C9orf57: variants seen among roughly 807,000 people sequenced by gnomAD.
The protein encoded by C9orf57 is chromosome 9 open reading frame 57.
In C9orf57, 12 loss-of-function variants were observed where a neutral mutation model predicts 12.9. The ratio of observed to expected loss-of-function variants is 0.93; its 90% CI spans 0.60 to 1.51. The LOEUF is 1.51. C9orf57 is among the 40% of genes most tolerant of loss of function. The pLI, the probability that C9orf57 is intolerant of heterozygous loss-of-function variation, is 0.00. For missense variants in C9orf57, 141 were observed against 162.8 expected (o/e 0.87, Z 0.73); for synonymous variants, 49 against 57.1 (o/e 0.86, Z 0.64).
chr9:72,054,382 C>A (rs1405094347), intron 4 of C9orf57, among the ~76,000 whole-genome samples: 1 of 152,190 alleles, frequency 6.6e-6, no homozygotes, highest in Non-Finnish European at 1.5e-5. Context: ...AAATATTTTT[C>A]TGCAGTAGAT....
In C9orf57 at chr9:72,056,241, G is replaced by A. The variant is rs372477284; in HGVS notation, c.158-45C>T. ...AAAATGAGAAAGTAGTGATAGATAC[G>A]AGAGAGAAAACGAGGAAGGAAGAGA... On this transcript the variant is annotated intron_variant, in intron 3 of 4. Transcript: ENST00000651200. The A allele has an allele frequency of 3.9e-5, 59 of 1,495,452 alleles. No homozygotes were observed. In the East Asian group the frequency reaches 6.2e-4, roughly 16 times the overall value. 92.6% of individuals were successfully genotyped at this position (1,495,452 alleles called of 1,614,324 possible). A position where few individuals can be genotyped will look rare whatever the true frequency, so the allele number is the denominator to read the frequency against.
At chr9:72,057,450 C>T (rs561182982) in intron 2 of C9orf57, among the ~76,000 whole-genome samples, 1 of 152,032 alleles carries the variant, frequency 6.6e-6, no homozygotes, top group East Asian at 1.9e-4. Flanking sequence ...TGGTCTCAAA[C>T]TCCTAACTCA....
chr9:72,059,030 A>G (rs916878918), intron 2 of C9orf57, among the ~76,000 whole-genome samples: 1 of 152,040 alleles, frequency 6.6e-6, no homozygotes, highest in African/African-American at 2.4e-5. Context: ...GGCATGCACC[A>G]CCACGCCCAG....
In C9orf57 at chr9:72,052,081, T is replaced by C; in HGVS notation, c.*215A>G. On this transcript the variant is annotated 3_prime_UTR_variant, in exon 5 of 5. Transcript: ENST00000651200. Reference sequence around the variant, plus strand: ...CAGAAGGAGGAGAGGAGAGAAATGGTGTTGAAAGGGCTATTTCTCAGATGA... The same window carrying C: ...CAGAAGGAGGAGAGGAGAGAAATGGCGTTGAAAGGGCTATTTCTCAGATGA... 2.0e-6 allele frequency: 1 copy of C among 494,272 alleles called. No individual in the cohort carries two copies. Among genetic ancestry groups the C allele is most frequent in the South Asian group, 3.1e-5 (1 of 32,032 alleles). The allele number at this position is 494,272 out of a possible 1,614,324, so 30.6% of individuals were successfully genotyped here.
chr9:72,054,714 C>T (rs563610398), intron 4 of C9orf57, among the ~76,000 whole-genome samples: 19 of 152,060 alleles, frequency 1.2e-4, no homozygotes, highest in African/African-American at 4.1e-4. Context: ...AAGGTATTTA[C>T]TCTTGATTGT....
Position 72,056,182 on chromosome 9 carries a change from T to C in C9orf57, c.172A>G (p.Ile58Val), listed in dbSNP as rs1400697603. The change falls in exon 4 of 5, where the codon ATT (isoleucine) becomes GTT (valine). Residue 58 changes from isoleucine to valine, a missense_variant. By Grantham distance (29) the Ile-to-Val change is conservative (BLOSUM62 3). Coordinates refer to ENST00000651200, the MANE Select transcript of C9orf57 (RefSeq NM_001128618.2). ...EVHIQDVGGLICRACNLSLPF... is the reference protein window; with the variant it reads ...EVHIQDVGGLVCRACNLSLPF... ...AGTGAAAGATTGCATGCTCTGCAAA[T>C]CAAACCTCCAACATCTCCAAGTACA... The C allele has an allele frequency of 6.5e-7, 1 of 1,549,472 alleles. No individual in the cohort carries two copies. Among genetic ancestry groups the C allele is most frequent in the African/African-American group, 1.4e-5 (1 of 72,820 alleles).
Position 72,052,264 on chromosome 9 carries a change from T to C in C9orf57, c.*32A>G. On this transcript the variant is annotated 3_prime_UTR_variant, in exon 5 of 5. Transcript: ENST00000651200. ...CAGGTCAGGCTTCGAGACTGATTGA[T>C]CTGCCAAGCATTTTAGATATGGGCC... 5 of 1,549,236 alleles carry C rather than the reference T, an allele frequency of 3.2e-6. No individual in the cohort carries two copies. Among genetic ancestry groups the C allele is most frequent in the Non-Finnish European group, 4.4e-6 (5 of 1,145,902 alleles).
At chr9:72,055,928 A>G (rs573717016) in intron 4 of C9orf57, 146 bp downstream of exon 4, 52 of 788,392 alleles carry the variant, frequency 6.6e-5, no homozygotes, top group East Asian at 2.3e-4. Flanking sequence ...TAGTGACAGG[A>G]TCCATCCAGC....
At chr9:72,057,934 G>A in intron 2 of C9orf57, among the ~76,000 whole-genome samples, 1 of 152,174 alleles carries the variant, frequency 6.6e-6, no homozygotes, top group East Asian at 1.9e-4. Flanking sequence ...AAGATTGGAA[G>A]ACATTATCTA....
Position 72,060,566 on chromosome 9 carries a change from T to A in C9orf57, c.-123A>T. ...ACTTTCTTAAAAGGATGAGAACGAG[T>A]ACAATTTGTGATGTGATGAAGTCCG... On this transcript the variant is annotated 5_prime_UTR_variant, in exon 1 of 5. Transcript: ENST00000651200. The A allele has an allele frequency of 2.6e-6, 4 of 1,545,982 alleles. No homozygotes were observed. Among genetic ancestry groups the A allele is most frequent in the Non-Finnish European group, 2.6e-6 (3 of 1,143,616 alleles).
chr9:72,056,979 G>A (rs1363714103), intron 2 of C9orf57, 136 bp from the exon 3 acceptor site: 9 of 634,704 alleles, frequency 1.4e-5, no homozygotes, highest in Middle Eastern at 4.8e-4. Flanking sequence ...GCACAATCTC[G>A]GCTCACTGCA....
In C9orf57 at chr9:72,057,329, G is replaced by A. The variant is rs376269253; in HGVS notation, c.98-486C>T. On this transcript the variant is annotated intron_variant, in intron 2 of 4. Transcript: ENST00000651200. ...CAACCTCCACCTCCCGGGTTCAAGCGATTCTCCTGCCTCAACCTCCTGAGT... is the reference window on the plus strand; with the variant it reads ...CAACCTCCACCTCCCGGGTTCAAGCAATTCTCCTGCCTCAACCTCCTGAGT... 1.4e-4 allele frequency among the ~76,000 whole-genome samples: 21 copies of A among 152,110 alleles called. No individual in the cohort carries two copies. The East Asian group carries it at 2.3e-3, about 17-fold the overall frequency.
chr9:72,055,539 C>G (rs1824180275), intron 4 of C9orf57, among the ~76,000 whole-genome samples: 1 of 151,940 alleles, frequency 6.6e-6, no homozygotes, highest in African/African-American at 2.4e-5. Flanking sequence ...ATCCTCCCAC[C>G]TGGCCTCCCC....
chr9:72,051,637 C>T lies in C9orf57; in HGVS notation c.*659G>A, dbSNP rs376069459. ...AACTGCTTAATCTGCCAAAATTGAA[C>T]AAGCCAAAGCATTTAGGCATGGTTA... On this transcript the variant is annotated 3_prime_UTR_variant, in exon 5 of 5. Transcript: ENST00000651200. 55 of 152,250 alleles carry T rather than the reference C, an allele frequency of 3.6e-4. No individual in the cohort carries two copies. Among genetic ancestry groups the T allele is most frequent in the African/African-American group, 1.3e-3 (53 of 41,528 alleles). 9.4% of individuals were successfully genotyped at this position (152,250 alleles called of 1,614,324 possible). A position where few individuals can be genotyped will look rare whatever the true frequency, so the allele number is the denominator to read the frequency against.
In C9orf57 at chr9:72,052,140, G is replaced by A. The variant is rs1237572234; in HGVS notation, c.*156C>T. ...TGGTGGGGGAGATATTGGGAATATT[G>A]AAAACCAAAGTCAATTTCAGATCAA... On this transcript the variant is annotated 3_prime_UTR_variant, in exon 5 of 5. Coordinates refer to ENST00000651200, the MANE Select transcript of C9orf57 (RefSeq NM_001128618.2). 1 of 779,240 alleles carries A rather than the reference G, an allele frequency of 1.3e-6. No homozygotes were observed. The highest frequency in any genetic ancestry group is 2.0e-6 in the Non-Finnish European group (1 of 511,300). The allele number at this position is 779,240 out of a possible 1,614,324, so 48.3% of individuals were successfully genotyped here. A position where few individuals can be genotyped will look rare whatever the true frequency, so the allele number is the denominator to read the frequency against.
At chr9:72,056,298 TTA>T (rs569048839) in intron 3 of C9orf57, 102 bp from the exon 4 acceptor site, 139 of 584,112 alleles carry the variant, frequency 2.4e-4, no homozygotes, top group South Asian at 6.2e-4. Context: ...ATTTTTGACT[TTA>T]TATATATATA....
intron 2 of C9orf57, among the ~76,000 whole-genome samples, chr9:72,057,508 G>T (rs369436152): frequency 6.6e-6 from 1 of 152,184 alleles, no homozygotes; most frequent in South Asian, 2.1e-4. Flanking sequence ...TTACAGGTGT[G>T]AGCCATCGCA....
chr9:72,059,807 C>A (rs575368114), intron 1 of C9orf57, among the ~76,000 whole-genome samples: 3 of 151,818 alleles, frequency 2.0e-5, no homozygotes, highest in Non-Finnish European at 2.9e-5. Context: ...GGGGACAGAG[C>A]GAGACTGTAA....
At chr9:72,053,973 C>T (rs2132432346) in intron 4 of C9orf57, among the ~76,000 whole-genome samples, 1 of 152,188 alleles carries the variant, frequency 6.6e-6, no homozygotes, top group Non-Finnish European at 1.5e-5. Flanking sequence ...ATGAATAGTT[C>T]CCTATAGATG....
Sources: gnomAD v4.1 joint callset for allele counts (sites outside exome capture counted in the v4.1 genomes callset) on GRCh38, gnomAD v4.1.1 for gene constraint, MANE v1.5 for transcripts, NCBI Gene and HGNC (gene_info 2026-07-23, HGNC 2026-07-21) for gene names.